Variants in DLGAP2 observed in about 807,000 individuals in gnomAD.
The protein encoded by DLGAP2 is disks large-associated protein 2.
A neutral mutation model predicts 100.3 loss-of-function variants in DLGAP2; 26 were observed. The ratio of observed to expected loss-of-function variants is 0.26; its 90% CI spans 0.19 to 0.36. DLGAP2 has a LOEUF of 0.36. Among genes scored for constraint, DLGAP2 ranks in the 10% least tolerant of loss-of-function variants. The pLI, the probability that DLGAP2 is intolerant of heterozygous loss-of-function variation, is 1.00. For synonymous variants in DLGAP2, 886 were observed against 630.1 expected (o/e 1.41, Z -6.08); for missense variants, 1,858 against 1,453.2 (o/e 1.28, Z -4.53).
chr8:1,327,285 C>T (rs1038887440), intron 3 of DLGAP2, among the ~76,000 whole-genome samples: 2 of 152,198 alleles, frequency 1.3e-5, no homozygotes, highest in Non-Finnish European at 2.9e-5. Context: ...ATGGGCCCAC[C>T]CTCCACTGCA....
chr8:912,432 C>T (rs1008008384), intron 2 of DLGAP2, among the ~76,000 whole-genome samples: 14 of 152,170 alleles, frequency 9.2e-5, no homozygotes, highest in Admixed American at 3.3e-4. Flanking sequence ...TGTGCTGGTC[C>T]GCGTTTATCA....
chr8:1,572,906 G>C, intron 6 of DLGAP2, among the ~76,000 whole-genome samples: 1 of 139,078 alleles, frequency 7.2e-6, no homozygotes, highest in African/African-American at 2.7e-5. Flanking sequence ...TGGTGAACTG[G>C]AGGGGTGTCT....
chr8:1,301,804 C>G (rs928080006), intron 3 of DLGAP2: 3 of 152,358 alleles, frequency 2.0e-5, no homozygotes, highest in African/African-American at 4.8e-5. Flanking sequence ...GAGCCACGGC[C>G]GGCTCCATTT....
chr8:1,012,467 C>T (rs928852945), intron 2 of DLGAP2, among the ~76,000 whole-genome samples: 12 of 151,554 alleles, frequency 7.9e-5, no homozygotes, highest in Non-Finnish European at 1.3e-4. Context: ...GAACTTCCAG[C>T]GGCAGTGTGG....
At position 1,195,139 on chromosome 8, in the gene DLGAP2, C is replaced by T. The variant is rs535456198; in HGVS notation, c.74-63712C>T. 7.9e-5 allele frequency among the ~76,000 whole-genome samples: 12 copies of T among 152,384 alleles called. No homozygotes were observed. The South Asian group carries it at 1.2e-3, about 16-fold the overall frequency. On this transcript the variant is annotated intron_variant, in intron 2 of 14. Transcript: ENST00000637795. ...AGGTGGAGATTAGACTGCCCCTGGT[C>T]GCAAAGGCGTCAGAACAGTGAACAT... is the stretch of plus-strand genomic sequence containing the variant.
chr8:1,539,174 C>T (rs776782189), intron 4 of DLGAP2, among the ~76,000 whole-genome samples: 7 of 152,178 alleles, frequency 4.6e-5, no homozygotes, highest in African/African-American at 1.4e-4. Flanking sequence ...GCATGAGCCA[C>T]GGCACCTGGC....
At chr8:1,581,331 G>C (rs999843963) in intron 6 of DLGAP2, among the ~76,000 whole-genome samples, 4 of 149,010 alleles carry the variant, frequency 2.7e-5, no homozygotes, top group Non-Finnish European at 4.4e-5. Context: ...ACTACCAGAA[G>C]AGAAGGATAC....
chr8:1,145,396 G>A (rs966630059), intron 2 of DLGAP2, among the ~76,000 whole-genome samples: 1 of 152,154 alleles, frequency 6.6e-6, no homozygotes, highest in Non-Finnish European at 1.5e-5. Flanking sequence ...CCCAGCGTGG[G>A]GCCTGGGAGA....
chr8:1,534,797 A>T (rs895811156), intron 4 of DLGAP2, among the ~76,000 whole-genome samples: 2 of 151,816 alleles, frequency 1.3e-5, no homozygotes, highest in African/African-American at 4.8e-5. Context: ...TGTGAGTGTA[A>T]GTGTGTGTGC....
chr8:1,681,284 T>G lies in DLGAP2; in HGVS notation c.2704+2655T>G, dbSNP rs141047488. On this transcript the variant is annotated intron_variant, in intron 12 of 14. Coordinates refer to ENST00000637795, the MANE Select transcript of DLGAP2 (RefSeq NM_001346810.2). ...TCATTTTCCATGTTTAGTGCATACT[T>G]TCAATTTCATTTTTTCAAGGATTAT... Among the ~76,000 whole-genome samples, 387 of 152,146 alleles carry G rather than the reference T, an allele frequency of 2.5e-3. 1 individual carries two copies. Among genetic ancestry groups the G allele is most frequent in the Middle Eastern group, 0.01 (3 of 294 alleles).
At chr8:1,557,847 A>AT (rs1213148484) in intron 5 of DLGAP2, among the ~76,000 whole-genome samples, 7 of 152,144 alleles carry the variant, frequency 4.6e-5, no homozygotes, top group Admixed American at 4.6e-4. Flanking sequence ...TGGTGACCTC[A>AT]TTTTACCTTC....
intron 3 of DLGAP2, among the ~76,000 whole-genome samples, chr8:1,468,429 C>G (rs558324271): frequency 6.6e-6 from 1 of 151,616 alleles, no homozygotes; most frequent in South Asian, 2.1e-4. Context: ...GGTCCTGAGT[C>G]CCCAACAGCC....
At chr8:1,159,680 A>C (rs1405239784) in intron 2 of DLGAP2, among the ~76,000 whole-genome samples, 1 of 152,234 alleles carries the variant, frequency 6.6e-6, no homozygotes, top group Non-Finnish European at 1.5e-5. Context: ...GTTATTTTAT[A>C]TACATTTTCA....
chr8:1,229,817 C>T (rs1798496368), intron 2 of DLGAP2, among the ~76,000 whole-genome samples: 1 of 152,160 alleles, frequency 6.6e-6, no homozygotes, highest in East Asian at 1.9e-4. Flanking sequence ...TAAAATCCAA[C>T]ACCCTTTCAT....
intron 1 of DLGAP2, among the ~76,000 whole-genome samples, chr8:798,180 C>G (rs948274578): frequency 5.9e-5 from 9 of 152,250 alleles, no homozygotes; most frequent in Non-Finnish European, 1.3e-4. Flanking sequence ...CCCCGTGGTG[C>G]TCAGGACCTG....
In DLGAP2 at chr8:1,341,043, G is replaced by A. The variant is rs115961064; in HGVS notation, c.106+82160G>A. On this transcript the variant is annotated intron_variant, in intron 3 of 14. Transcript: ENST00000637795. ...TAGGAGCTAAATGATGAGAACTCAC[G>A]GACACATAGAGGGGAACAACACACA... Among the ~76,000 whole-genome samples the A allele has an allele frequency of 6.6e-3, 999 of 152,178 alleles. 7 individuals carry two copies. The highest frequency in any genetic ancestry group is 0.023 in the African/African-American group (955 of 41,512).
At chr8:1,427,184 C>T (rs1797259875) in intron 3 of DLGAP2, among the ~76,000 whole-genome samples, 1 of 152,044 alleles carries the variant, frequency 6.6e-6, no homozygotes, top group Non-Finnish European at 1.5e-5. Context: ...CATTAAATTT[C>T]ATAAAATAAA....
In DLGAP2 at chr8:1,170,094, T is replaced by G. The variant is rs893410386; in HGVS notation, c.74-88757T>G. On this transcript the variant is annotated intron_variant, in intron 2 of 14. Transcript: ENST00000637795. ...TTTATTGAGAGTTTTTAGCATGAAG[T>G]GTTGTTGAATTTTGTCAAAGGCCTT... 4.6e-3 allele frequency among the ~76,000 whole-genome samples: 707 copies of G among 152,124 alleles called. 7 individuals carry two copies. Among genetic ancestry groups the G allele is most frequent in the African/African-American group, 0.016 (672 of 41,508 alleles).
chr8:989,559 A>G lies in DLGAP2; in HGVS notation c.73+81593A>G, dbSNP rs566139111. 3.9e-5 allele frequency among the ~76,000 whole-genome samples: 6 copies of G among 152,054 alleles called. No homozygotes were observed. In the South Asian group the frequency reaches 1.2e-3, roughly 32 times the overall value. The stretch of plus-strand genomic sequence containing the variant: ...TTCTCACATGTCATGTGTGATTGTG[A>G]CCCAGCAGGACGAGCTCTTCCTGCC... On this transcript the variant is annotated intron_variant, in intron 2 of 14. Coordinates refer to ENST00000637795, the MANE Select transcript of DLGAP2 (RefSeq NM_001346810.2).
Sources: allele counts gnomAD v4.1 joint callset (sites outside exome capture counted in the v4.1 genomes callset), GRCh38; gene constraint gnomAD v4.1.1; transcripts MANE v1.5; gene names NCBI Gene and HGNC (gene_info 2026-07-23, HGNC 2026-07-21).